VAV2: variants seen among roughly 807,000 people sequenced by gnomAD.
The protein encoded by VAV2 is vav guanine nucleotide exchange factor 2, also known as guanine nucleotide exchange factor VAV2.
VAV2 carries 67 observed loss-of-function variants against 132.5 expected under a neutral mutation model. The observed-to-expected ratio is 0.51, with a 90% CI of 0.42 to 0.62. The LOEUF (loss-of-function observed/expected upper bound fraction) is 0.62, where lower values mean the gene tolerates loss of function less well. VAV2 is among the 20% of genes least tolerant of loss of function. The pLI is 0.00. For missense variants in VAV2, 938 were observed against 1,153.6 expected (o/e 0.81, Z 2.71); for synonymous variants, 492 against 443.5 (o/e 1.11, Z -1.37).
Position 133,935,699 on chromosome 9 carries a change from C to G in VAV2, c.321+3404G>C, listed in dbSNP as rs1263128292. On this transcript the variant is annotated intron_variant, in intron 2 of 29. Coordinates refer to ENST00000371850, the MANE Select transcript of VAV2 (RefSeq NM_001134398.2). This position sits in a 1 kb window ranked among gnomAD's most constrained non-coding sequence, Gnocchi z 5.2. ...TCCCAGCTCCCCAGCCTCCGCTGGCCCCAGGCCAGACTCCATTTGGAAGTG... is the reference window on the plus strand; with the variant it reads ...TCCCAGCTCCCCAGCCTCCGCTGGCGCCAGGCCAGACTCCATTTGGAAGTG... 6.6e-6 allele frequency among the ~76,000 whole-genome samples: 1 copy of G among 152,244 alleles called. No homozygotes were observed. The highest frequency in any genetic ancestry group is 1.5e-5 in the Non-Finnish European group (1 of 68,042).
chr9:133,932,455 C>G (rs1463019431), intron 2 of VAV2, among the ~76,000 whole-genome samples: 1 of 152,198 alleles, frequency 6.6e-6, no homozygotes, highest in Non-Finnish European at 1.5e-5. Flanking sequence ...AAAAAAATAC[C>G]AGGAAAGCAG....
intron 2 of VAV2, among the ~76,000 whole-genome samples, chr9:133,896,886 A>G (rs1839226860): frequency 1.3e-5 from 2 of 152,080 alleles, no homozygotes; most frequent in South Asian, 4.1e-4. Flanking sequence ...CGAGATCAGG[A>G]GATCAAGACC....
intron 25 of VAV2, 47 bp from the exon 26 acceptor site, chr9:133,772,093 G>A (rs1588154474): frequency 2.0e-6 from 3 of 1,524,686 alleles, no homozygotes; most frequent in Non-Finnish European, 2.7e-6. Context: ...GGGCCACACG[G>A]CCCCGGCCCC....
chr9:133,805,588 G>C (rs1314417268), intron 9 of VAV2, among the ~76,000 whole-genome samples: 1 of 150,652 alleles, frequency 6.6e-6, no homozygotes, highest in African/African-American at 2.5e-5. Flanking sequence ...CATCGTCTAA[G>C]CTCCAGAAAT....
intron 12 of VAV2, among the ~76,000 whole-genome samples, chr9:133,793,545 T>C (rs1438457297): frequency 1.3e-5 from 2 of 152,042 alleles, no homozygotes; most frequent in Non-Finnish European, 2.9e-5. Context: ...CAGTAGCAAG[T>C]CTGGAGCTCA....
chr9:133,969,925 A>C lies in VAV2; in HGVS notation c.204+22150T>G, dbSNP rs1463955653. 6.6e-6 allele frequency among the ~76,000 whole-genome samples: 1 copy of C among 152,080 alleles called. No individual in the cohort carries two copies. Among genetic ancestry groups the C allele is most frequent in the African/African-American group, 2.4e-5 (1 of 41,402 alleles). Reference sequence around the variant, plus strand: ...CGCCACATCTGCACCAACCCTGCCCAGGGTTCCCTGGCACACCCAGGATGA... The same window carrying C: ...CGCCACATCTGCACCAACCCTGCCCCGGGTTCCCTGGCACACCCAGGATGA... On this transcript the variant is annotated intron_variant, in intron 1 of 29. Coordinates refer to ENST00000371850, the MANE Select transcript of VAV2 (RefSeq NM_001134398.2). This position sits in a 1 kb window ranked among gnomAD's most constrained non-coding sequence, Gnocchi z 5.1.
intron 1 of VAV2, among the ~76,000 whole-genome samples, chr9:133,972,878 CACTTA>C (rs1008983067): frequency 3.3e-5 from 5 of 152,204 alleles, no homozygotes; most frequent in African/African-American, 7.2e-5. Flanking sequence ...CTTCCTTCAT[CACTTA>C]ACCTGAGTTA....
rs1302029190 is a variant in VAV2, at chr9:133,919,262, G to C, written c.321+19841C>G. ...ATCACAACTGCCTGCTGTCCTGGAA[G>C]CTTCTCTGGGGCTGGCACCTGAGTT... On this transcript the variant is annotated intron_variant, in intron 2 of 29. Transcript: ENST00000371850. This position sits in a 1 kb window ranked among gnomAD's most constrained non-coding sequence, Gnocchi z 5.8. Among the ~76,000 whole-genome samples the C allele has an allele frequency of 6.6e-6, 1 of 152,186 alleles. No individual in the cohort carries two copies. Among genetic ancestry groups the C allele is most frequent in the Non-Finnish European group, 1.5e-5 (1 of 68,030 alleles).
At chr9:133,916,139 C>G (rs1045501320) in intron 2 of VAV2, among the ~76,000 whole-genome samples, 8 of 152,234 alleles carry the variant, frequency 5.3e-5, no homozygotes, top group Admixed American at 2.0e-4. Flanking sequence ...CAGGCCACGG[C>G]TGCTCCCCCA....
chr9:133,850,736 T>C (rs940463441), intron 3 of VAV2, among the ~76,000 whole-genome samples: 13 of 152,198 alleles, frequency 8.5e-5, no homozygotes. Flanking sequence ...TCCCAGGACT[T>C]GCCCTGAATC....
chr9:133,777,830 AAATCCATCACCGAGT>A (rs1370045224), intron 22 of VAV2, among the ~76,000 whole-genome samples: 1 of 152,232 alleles, frequency 6.6e-6, no homozygotes, highest in Non-Finnish European at 1.5e-5. Context: ...CTGGTACAAG[AAATCCATCACCGAGT>A]ATGGACTGAT....
intron 1 of VAV2, among the ~76,000 whole-genome samples, chr9:133,959,821 CA>C (rs1404568172): frequency 6.6e-6 from 1 of 152,164 alleles, no homozygotes; most frequent in Non-Finnish European, 1.5e-5. Flanking sequence ...GCTGGCCAGC[CA>C]AGGAGGGCCC....
chr9:133,764,075 T>TC lies in VAV2; in HGVS notation c.2623dup (p.Glu875GlyfsTer49). ...ACGTTCCTGCCGTCACTGGATGCCC[T>TC]CCTCTTCTACGTACGTTGAAGGAAA... is the stretch of plus-strand genomic sequence containing the variant. On this transcript the variant is annotated frameshift_variant, in exon 30 of 30. Transcript: ENST00000371850. LOFTEE classifies it high-confidence loss of function. 3 of 1,613,898 alleles carry TC rather than the reference T, an allele frequency of 1.9e-6. No individual in the cohort carries two copies. Among genetic ancestry groups the TC allele is most frequent in the Non-Finnish European group, 2.5e-6 (3 of 1,179,938 alleles).
chr9:133,989,196 G>A (rs1033754280), intron 1 of VAV2, among the ~76,000 whole-genome samples: 1 of 152,138 alleles, frequency 6.6e-6, no homozygotes, highest in African/African-American at 2.4e-5. Flanking sequence ...AAATTAGCTG[G>A]GCATGGTGGC....
intron 2 of VAV2, among the ~76,000 whole-genome samples, chr9:133,903,614 C>T (rs375563545): frequency 4.6e-5 from 7 of 152,300 alleles, no homozygotes; most frequent in South Asian, 2.1e-4. Context: ...CAGCCAGCCT[C>T]GGGTCCGGTG....
intron 2 of VAV2, among the ~76,000 whole-genome samples, chr9:133,868,560 G>A (rs1214270640): frequency 1.3e-5 from 2 of 152,252 alleles, no homozygotes; most frequent in African/African-American, 4.8e-5. Flanking sequence ...CCGATCAGAA[G>A]GTCCACGGAG....
intron 1 of VAV2, among the ~76,000 whole-genome samples, chr9:133,979,341 C>T (rs984257277): frequency 5.3e-5 from 8 of 152,134 alleles, no homozygotes; most frequent in South Asian, 4.1e-4. Flanking sequence ...GATCTGAACG[C>T]GGCTGTCAGA....
At chr9:133,962,253 C>T (rs1841990286) in intron 1 of VAV2, among the ~76,000 whole-genome samples, 1 of 152,116 alleles carries the variant, frequency 6.6e-6, no homozygotes, top group Non-Finnish European at 1.5e-5. Context: ...CCAGTGTCTT[C>T]TGAAGGCAGG....
chr9:133,952,157 T>C (rs1390422666), intron 1 of VAV2, among the ~76,000 whole-genome samples: 2 of 151,848 alleles, frequency 1.3e-5, no homozygotes, highest in Admixed American at 6.6e-5. Context: ...GGTTTCAACA[T>C]AGGAATTTTG....
Sources: allele counts gnomAD v4.1 joint callset (sites outside exome capture counted in the v4.1 genomes callset), GRCh38; gene constraint gnomAD v4.1.1; non-coding constraint Gnocchi (gnomAD v3.1); transcripts MANE v1.5; gene names NCBI Gene and HGNC (gene_info 2026-07-23, HGNC 2026-07-21).